The following ABCB10 variants were observed in gnomAD, a reference collection of about 807,000 sequenced individuals.
ABCB10 encodes the protein ATP binding cassette subfamily B member 10, also known as ATP-binding cassette sub-family B member 10, mitochondrial.
In ABCB10, 54 loss-of-function variants were observed where a neutral mutation model predicts 65.4. The observed-to-expected ratio is 0.83, with a 90% confidence interval of 0.66 to 1.04. The LOEUF is 1.04. Ranked by LOEUF, ABCB10 falls within the 50% of genes least tolerant of loss-of-function variation. The pLI, the probability that ABCB10 is intolerant of heterozygous loss-of-function variation, is 0.00. For missense variants in ABCB10, 846 were observed against 976.6 expected (o/e 0.87, Z 1.78); for synonymous variants, 418 against 406.5 (o/e 1.03, Z -0.34).
chr1:229,517,745 G>A lies in ABCB10; in HGVS notation c.*434C>T, dbSNP rs564690415. The A allele has an allele frequency of 1.1e-4, 18 of 156,936 alleles. 1 individual carries two copies. The South Asian group carries it at 3.5e-3, about 31-fold the overall frequency. The allele number at this position is 156,936 out of a possible 1,614,324, so 9.7% of individuals were successfully genotyped here. On this transcript the variant is annotated 3_prime_UTR_variant, in exon 13 of 13. Transcript: ENST00000344517. ...TTCCATTATTCTATCTGTAAAATTAGACTTAAAAGTAGGTAGAATACTACC... is the reference window on the plus strand; with the variant it reads ...TTCCATTATTCTATCTGTAAAATTAAACTTAAAAGTAGGTAGAATACTACC...
chr1:229,554,721 T>C (rs1036880396), intron 1 of ABCB10, among the ~76,000 whole-genome samples: 1 of 152,178 alleles, frequency 6.6e-6, no homozygotes, highest in South Asian at 2.1e-4. Flanking sequence ...TGTATTTCTG[T>C]AGCACACGCA....
chr1:229,529,344 G>T (rs1427606597), intron 8 of ABCB10, among the ~76,000 whole-genome samples: 1 of 104,794 alleles, frequency 9.5e-6, no homozygotes, highest in Non-Finnish European at 1.9e-5. Flanking sequence ...ATCCCTACTA[G>T]GTCAAAATAG....
At position 229,516,709 on chromosome 1, in the gene ABCB10, T is replaced by C. The variant is rs776162580; in HGVS notation, c.*1470A>G. On this transcript the variant is annotated 3_prime_UTR_variant, in exon 13 of 13. Transcript: ENST00000344517. ...CGTAAATACTTCTATGGCACAAGGATTATTTTCCTCAGATTCAACCTTGTA... is the reference window on the plus strand; with the variant it reads ...CGTAAATACTTCTATGGCACAAGGACTATTTTCCTCAGATTCAACCTTGTA... 5.3e-5 allele frequency: 8 copies of C among 152,220 alleles called. No individual in the cohort carries two copies. Among genetic ancestry groups the C allele is most frequent in the Non-Finnish European group, 1.0e-4 (7 of 68,026 alleles). 9.4% of individuals were successfully genotyped at this position (152,220 alleles called of 1,614,324 possible). A position where few individuals can be genotyped will look rare whatever the true frequency, so the allele number is the denominator to read the frequency against.
rs1170671166 is a variant in ABCB10, at chr1:229,531,646, C to T, written c.1425G>A (p.Leu475=). The change falls in exon 7 of 13, where the codon CTG becomes CTA. Residue 475 remains leucine, a synonymous_variant. Transcript: ENST00000344517. ...LWELLEREPK[L]PFNEGVILNE... ...AATTTTCAGACCCACCGTTAAAAGG[C>T]AGCTTGGGCTCTCTCTCCAGGAGCT... 1.9e-6 allele frequency: 3 copies of T among 1,613,696 alleles called. No homozygotes were observed. Among genetic ancestry groups the T allele is most frequent in the Non-Finnish European group, 2.5e-6 (3 of 1,179,828 alleles).
In ABCB10 at chr1:229,558,438, C is replaced by A; in HGVS notation, c.215G>T (p.Cys72Phe). 1 of 1,214,522 alleles carries A rather than the reference C, an allele frequency of 8.2e-7. No homozygotes were observed. The highest frequency in any genetic ancestry group is 1.6e-5 in the African/African-American group (1 of 62,306). The allele number at this position is 1,214,522 out of a possible 1,614,324, so 75.2% of individuals were successfully genotyped here. ...CGAGGCGCCCGGACCCCCGCCCCGG[C>A]AGCCGCTCCTCCAGCGGCGCGCGGC... Reference protein sequence around the residue: ...VGAARRWRSGCRGGGPGASRG... With the variant: ...VGAARRWRSGFRGGGPGASRG... Residue 72 changes from cysteine to phenylalanine, a missense_variant, in exon 1 of 13, where the codon TGC becomes TTC. Coordinates refer to ENST00000344517, the MANE Select transcript of ABCB10 (RefSeq NM_012089.3).
rs535695763 is a variant in ABCB10, at chr1:229,534,764, G to C, written c.1340-3033C>G. 4.0e-5 allele frequency among the ~76,000 whole-genome samples: 6 copies of C among 151,544 alleles called. No homozygotes were observed. The South Asian group carries it at 1.3e-3, about 32-fold the overall frequency. ...CACGCACCCGTAGTCCCAGCTACTC[G>C]GGAGGCTGAGGCTGGAGAATCGCTT... On this transcript the variant is annotated intron_variant, in intron 6 of 12. Transcript: ENST00000344517.
intron 8 of ABCB10, among the ~76,000 whole-genome samples, chr1:229,529,667 C>CAAA (rs969766089): frequency 1.5e-3 from 35 of 23,198 alleles, no homozygotes; most frequent in African/African-American, 4.1e-3. Context: ...AAGACTGTCT[C>CAAA]AAAAAAAAAA....
chr1:229,530,210 T>C lies in ABCB10; in HGVS notation c.1634A>G (p.Asp545Gly), dbSNP rs1284299653. ...TVLSLLLRLY[D>G]PASGTISLDG... ...GGTGAACTGCTTACCAGAAGCAGGGTCGTACAACCTCAGCAGGAGTGAAAG... is the reference window on the plus strand; with the variant it reads ...GGTGAACTGCTTACCAGAAGCAGGGCCGTACAACCTCAGCAGGAGTGAAAG... Residue 545 changes from aspartate to glycine, a missense_variant, in exon 8 of 13, where the codon GAC becomes GGC. By Grantham distance (94) the Asp-to-Gly change is moderately conservative. This residue lies in a region of ABCB10 where 632 missense variants were observed against 803.2 expected (regional missense o/e 0.79). Coordinates refer to ENST00000344517, the MANE Select transcript of ABCB10 (RefSeq NM_012089.3). 2 of 1,613,512 alleles carry C rather than the reference T, an allele frequency of 1.2e-6. No homozygotes were observed. The highest frequency in any genetic ancestry group is 2.7e-5 in the African/African-American group (2 of 74,848).
Position 229,558,589 on chromosome 1 carries a change from G to A in ABCB10, c.64C>T (p.Arg22Trp), listed in dbSNP as rs1361428998. Reference sequence around the variant, plus strand: ...CACACGCAGGCTACCGGCAGGAGCCGACCTGGCTCGGCAGGGCTCGGTGGC... The same window carrying A: ...CACACGCAGGCTACCGGCAGGAGCCAACCTGGCTCGGCAGGGCTCGGTGGC... ...LEPPSPAEPG[R>W]LLPVACVWAA... Residue 22 changes from arginine to tryptophan, a missense_variant, in exon 1 of 13, where the codon CGG (arginine) becomes TGG (tryptophan). Coordinates refer to ENST00000344517, the MANE Select transcript of ABCB10 (RefSeq NM_012089.3). 1 of 1,442,380 alleles carries A rather than the reference G, an allele frequency of 6.9e-7. No homozygotes were observed. The highest frequency in any genetic ancestry group is 9.1e-7 in the Non-Finnish European group (1 of 1,099,848). The allele number at this position is 1,442,380 out of a possible 1,614,324, so 89.3% of individuals were successfully genotyped here. A position where few individuals can be genotyped will look rare whatever the true frequency, so the allele number is the denominator to read the frequency against.
chr1:229,531,608 C>G (rs769771435), intron 7 of ABCB10, 28 bp downstream of exon 7: 6 of 1,605,000 alleles, frequency 3.7e-6, no homozygotes, highest in Non-Finnish European at 5.1e-6. Flanking sequence ...TTTGTTAATC[C>G]TAGCAAAGAA....
At position 229,540,619 on chromosome 1, in the gene ABCB10, C is replaced by A; in HGVS notation, c.1190G>T (p.Gly397Val). The change falls in exon 5 of 13, where the codon GGT becomes GTT. Residue 397 changes from glycine (G) to valine (V), a missense_variant. Physicochemically the swap from Gly to Val is moderately radical, Grantham distance 109. Around this residue, in one of 2 missense-constraint regions of ABCB10, gnomAD observed 632 missense variants for 803.2 expected, o/e 0.79. Transcript: ENST00000344517. ...LARKEAFARA[G>V]FFGATGLSGN... is the part of the protein sequence containing the mutation. Reference sequence around the variant, plus strand: ...TGATCTACTTACTGCTCCAAAGAAACCAGCCCGGGCGAATGCCTCTTTCCT... The same window carrying A: ...TGATCTACTTACTGCTCCAAAGAAAACAGCCCGGGCGAATGCCTCTTTCCT... 6.2e-7 allele frequency: 1 copy of A among 1,610,952 alleles called. No homozygotes were observed. Among genetic ancestry groups the A allele is most frequent in the African/African-American group, 1.3e-5 (1 of 74,910 alleles).
chr1:229,557,375 C>T (rs757948949), intron 1 of ABCB10, among the ~76,000 whole-genome samples: 3 of 152,124 alleles, frequency 2.0e-5, no homozygotes, highest in Non-Finnish European at 4.4e-5. Context: ...ACTGTAAACC[C>T]AGGGCCCAGT....
In ABCB10 at chr1:229,519,855, G is replaced by A. The variant is rs148970569; in HGVS notation, c.1951-980C>T. 8.6e-5 allele frequency among the ~76,000 whole-genome samples: 13 copies of A among 151,922 alleles called. No homozygotes were observed. The East Asian group carries it at 2.5e-3, about 30-fold the overall frequency. On this transcript the variant is annotated intron_variant, in intron 11 of 12. Coordinates refer to ENST00000344517, the MANE Select transcript of ABCB10 (RefSeq NM_012089.3). ...AATAAAATGAGTAAGGCTGAGTACG[G>A]TGGCTCACACCTGTAATCCCAACAC...
chr1:229,547,236 C>G (rs773373464), intron 3 of ABCB10, among the ~76,000 whole-genome samples: 2 of 152,176 alleles, frequency 1.3e-5, no homozygotes, highest in Non-Finnish European at 2.9e-5. Flanking sequence ...CTTAATACCC[C>G]GGGTACACAC....
chr1:229,527,398 T>C, intron 8 of ABCB10, 90 bp from the exon 9 acceptor site: 1 of 1,177,198 alleles, frequency 8.5e-7, no homozygotes, highest in Non-Finnish European at 1.2e-6. Flanking sequence ...AATTCCAGAC[T>C]CATTTTTTAA....
intron 5 of ABCB10, 134 bp from the exon 6 acceptor site, chr1:229,539,725 T>C (rs1662798024): frequency 2.0e-6 from 2 of 1,022,470 alleles, no homozygotes; most frequent in South Asian, 3.7e-5. Context: ...TAATTTCACC[T>C]GAGTTTCAAA....
At chr1:229,552,525 T>C (rs1571979820) in intron 1 of ABCB10, among the ~76,000 whole-genome samples, 1 of 150,142 alleles carries the variant, frequency 6.7e-6, no homozygotes, top group East Asian at 1.9e-4. Context: ...ACAAATATCC[T>C]TCAAAAGAAA....
intron 6 of ABCB10, among the ~76,000 whole-genome samples, chr1:229,537,794 TAAATAAACAAAC>T (rs1399120982): frequency 6.7e-6 from 1 of 149,952 alleles, no homozygotes; most frequent in African/African-American, 2.5e-5. Flanking sequence ...CATCTCCAAA[TAAATAAACAAAC>T]AAACAAACAA....
At chr1:229,522,433 T>C (rs1316838330) in intron 10 of ABCB10, among the ~76,000 whole-genome samples, 1 of 152,172 alleles carries the variant, frequency 6.6e-6, no homozygotes, top group Non-Finnish European at 1.5e-5. Context: ...GTCAAACTCC[T>C]GGACTCAAGA....
Sources: gnomAD v4.1 joint callset for allele counts (sites outside exome capture counted in the v4.1 genomes callset) on GRCh38, gnomAD v4.1.1 for gene constraint, gnomAD v4.1.1 regional missense constraint, MANE v1.5 for transcripts, NCBI Gene and HGNC (gene_info 2026-07-23, HGNC 2026-07-21) for gene names.